The following FAF1 variants were observed in gnomAD, a reference collection of about 807,000 sequenced individuals.
The protein encoded by FAF1 is FAS-associated factor 1.
In FAF1, 25 loss-of-function variants were observed where a neutral mutation model predicts 92.5. The ratio of observed to expected loss-of-function variants is 0.27; its 90% confidence interval spans 0.20 to 0.38. The LOEUF (loss-of-function observed/expected upper bound fraction) is 0.38. Among genes scored for constraint, FAF1 ranks in the 10% least tolerant of loss-of-function variants. The probability of loss-of-function intolerance (pLI) is 1.00; values close to 1 mark genes in which losing one functional copy is unlikely to be tolerated. For missense variants in FAF1, 636 were observed against 793.3 expected (o/e 0.80, Z 2.38); for synonymous variants, 234 against 273.2 (o/e 0.86, Z 1.42).
intron 1 of FAF1, among the ~76,000 whole-genome samples, chr1:50,923,912 G>A (rs1323253496): frequency 6.6e-6 from 1 of 152,070 alleles, no homozygotes; most frequent in African/African-American, 2.4e-5. Context: ...GAGTATAGAA[G>A]AAACATAACT....
At chr1:50,532,774 G>T (rs1648247767) in intron 15 of FAF1, among the ~76,000 whole-genome samples, 2 of 151,946 alleles carry the variant, frequency 1.3e-5, no homozygotes, top group Admixed American at 6.6e-5. Context: ...GGATATATTG[G>T]GTTTCATTTT....
intron 1 of FAF1, among the ~76,000 whole-genome samples, chr1:50,864,154 G>C (rs1644460518): frequency 2.0e-5 from 3 of 150,734 alleles, no homozygotes; most frequent in Non-Finnish European, 4.4e-5. Flanking sequence ...CAAAAAACCA[G>C]CTCCTGGATT....
At chr1:50,917,609 G>A (rs1266229488) in intron 1 of FAF1, among the ~76,000 whole-genome samples, 1 of 119,912 alleles carries the variant, frequency 8.3e-6, no homozygotes, top group Non-Finnish European at 1.7e-5. Context: ...AAAAAGGAAA[G>A]GAAAAGGGAA....
intron 13 of FAF1, among the ~76,000 whole-genome samples, chr1:50,540,372 G>A (rs993369464): frequency 1.3e-5 from 2 of 152,128 alleles, no homozygotes; most frequent in Admixed American, 1.3e-4. Context: ...GAATAATATA[G>A]TGTTGTGCAA....
intron 1 of FAF1, among the ~76,000 whole-genome samples, chr1:50,921,225 C>T (rs915590488): frequency 2.0e-5 from 3 of 152,216 alleles, no homozygotes. Flanking sequence ...GCCTAGGGAC[C>T]GACCTGCCCC....
chr1:50,922,458 C>CAAAAAAAAAAAAAAAAA (rs33971185), intron 1 of FAF1, among the ~76,000 whole-genome samples: 3 of 37,268 alleles, frequency 8.0e-5, no homozygotes, highest in Admixed American at 5.0e-4. Flanking sequence ...GACTCTGCCT[C>CAAAAAAAAAAAAAAAAA]AAAAAAAAAA....
chr1:50,625,954 A>T (rs745702132), intron 8 of FAF1, among the ~76,000 whole-genome samples: 3 of 152,236 alleles, frequency 2.0e-5, no homozygotes, highest in Non-Finnish European at 4.4e-5. Flanking sequence ...GGAGAAAGTT[A>T]TAAGAGTCTA....
At chr1:50,908,799 G>GCA (rs1644860713) in intron 1 of FAF1, among the ~76,000 whole-genome samples, 1 of 152,066 alleles carries the variant, frequency 6.6e-6, no homozygotes, top group African/African-American at 2.4e-5. Context: ...CCTGAATACA[G>GCA]CACACTGATG....
chr1:50,858,104 A>G (rs1228307057), intron 1 of FAF1, 107 bp from the exon 2 acceptor site: 1 of 688,300 alleles, frequency 1.5e-6, no homozygotes, highest in African/African-American at 1.9e-5. Context: ...TCAAATAGGT[A>G]TATGAATAAA....
rs58415078 is a variant in FAF1 at position 50,766,923 on chromosome 1, C to T, written c.367+21077G>A. Reference sequence around the variant, plus strand: ...TTAAAAAGCCACAGTGTCTTCTCACCTCCACACAACCACACTAGTTCCCCA... The same window carrying T: ...TTAAAAAGCCACAGTGTCTTCTCACTTCCACACAACCACACTAGTTCCCCA... On this transcript the variant is annotated intron_variant, in intron 4 of 18. Transcript: ENST00000396153. Among the ~76,000 whole-genome samples, 1,224 of 152,176 alleles carry T rather than the reference C, an allele frequency of 8.0e-3. 14 individuals carry two copies. The highest frequency in any genetic ancestry group is 0.028 in the African/African-American group (1,182 of 41,536).
rs376816049 is a variant in FAF1, at chr1:50,701,740, CT to C, written c.657+4045del. ...TATTTAGTTCATTCAGTTCCTGAGA[CT>C]TATTCAACTCTATTGGCTTCCCATT... On this transcript the variant is annotated intron_variant, in intron 7 of 18. Coordinates refer to ENST00000396153, the MANE Select transcript of FAF1 (RefSeq NM_007051.3). 1.8e-4 allele frequency among the ~76,000 whole-genome samples: 28 copies of C among 152,152 alleles called. No homozygotes were observed. The South Asian group carries it at 4.6e-3, about 25-fold the overall frequency.
intron 18 of FAF1, 50 bp downstream of exon 18, chr1:50,475,414 G>A: frequency 7.0e-7 from 1 of 1,419,960 alleles, no homozygotes; most frequent in Non-Finnish European, 9.8e-7. Context: ...CTTTAATGAT[G>A]GCACATCTCC....
At chr1:50,802,784 A>G (rs973633164) in intron 2 of FAF1, among the ~76,000 whole-genome samples, 2 of 152,228 alleles carry the variant, frequency 1.3e-5, no homozygotes, top group African/African-American at 4.8e-5. Flanking sequence ...CCGTATCCAC[A>G]TCAAAATGAA....
chr1:50,618,953 C>T (rs1222766894), intron 8 of FAF1, among the ~76,000 whole-genome samples: 2 of 150,736 alleles, frequency 1.3e-5, no homozygotes, highest in Admixed American at 6.6e-5. Flanking sequence ...GACAAGGTTT[C>T]ACCATGTTAG....
intron 15 of FAF1, among the ~76,000 whole-genome samples, chr1:50,513,688 C>G (rs1449105921): frequency 1.3e-5 from 2 of 152,112 alleles, no homozygotes; most frequent in African/African-American, 2.4e-5. Context: ...ATATTTTTAC[C>G]TAAGACTTTA....
chr1:50,460,010 TGCATAGAA>T (rs1444425426), intron 18 of FAF1, among the ~76,000 whole-genome samples: 1 of 152,242 alleles, frequency 6.6e-6, no homozygotes, highest in Non-Finnish European at 1.5e-5. Flanking sequence ...TGGAGCACTA[TGCATAGAA>T]TATACTCATT....
intron 2 of FAF1, among the ~76,000 whole-genome samples, chr1:50,826,420 C>T (rs568574576): frequency 6.6e-6 from 1 of 152,100 alleles, no homozygotes; most frequent in Admixed American, 6.5e-5. Context: ...CACAGTGGCA[C>T]ACACCTGTCA....
intron 1 of FAF1, among the ~76,000 whole-genome samples, chr1:50,930,348 A>G (rs183859240): frequency 2.6e-4 from 39 of 152,296 alleles, no homozygotes; most frequent in Non-Finnish European, 5.3e-4. Flanking sequence ...GTACAGTACT[A>G]TTCAGGAAGG....
intron 2 of FAF1, among the ~76,000 whole-genome samples, chr1:50,836,170 G>GTTTTTTTGTTTTTTTT (rs1553144965): frequency 3.0e-5 from 3 of 98,522 alleles, no homozygotes; most frequent in Admixed American, 1.1e-4. Flanking sequence ...TTTTGTTTCT[G>GTTTTTTTGTTTTTTTT]TTTTTTTTTT....
Sources: allele counts gnomAD v4.1 joint callset (sites outside exome capture counted in the v4.1 genomes callset), GRCh38; gene constraint gnomAD v4.1.1; transcripts MANE v1.5; gene names NCBI Gene and HGNC (gene_info 2026-07-23, HGNC 2026-07-21).